Variants in TOP1MT observed in about 807,000 individuals in gnomAD.
TOP1MT encodes DNA topoisomerase I mitochondrial.
A neutral mutation model predicts 73.9 loss-of-function variants in TOP1MT; 80 were observed. The observed-to-expected ratio is 1.08, with a 90% CI of 0.90 to 1.30. The LOEUF (loss-of-function observed/expected upper bound fraction) is 1.30, where lower values mean the gene tolerates loss of function less well. Ranked by LOEUF, TOP1MT falls within the 50% of genes most tolerant of loss-of-function variation. TOP1MT has a pLI of 0.00. For missense variants in TOP1MT, 815 were observed against 808.0 expected, an observed-to-expected ratio of 1.01 and a Z score of -0.10; for synonymous variants, 338 against 326.4, an observed-to-expected ratio of 1.04 and a Z score of -0.38.
chr8:143,325,519 CTCT>C lies in TOP1MT; in HGVS notation c.495_497del (p.Glu166del), dbSNP rs752976515. The C allele has an allele frequency of 3.1e-6, 5 of 1,608,380 alleles. No individual in the cohort carries two copies. The South Asian group carries it at 4.4e-5, about 14-fold the overall frequency. ...CGAACTCTTGCTGAAGTTTTTCTGC[CTCT>C]TCTTTTAGCTTCTGAGTTAATAAAA... On this transcript the variant is annotated inframe_deletion, in exon 5 of 14. Coordinates refer to ENST00000329245, the MANE Select transcript of TOP1MT (RefSeq NM_052963.3).
chr8:143,339,011 T>A (rs1336414306), upstream of TOP1MT, among the ~76,000 whole-genome samples: 8 of 152,134 alleles, frequency 5.3e-5, no homozygotes, highest in Admixed American at 3.9e-4. Flanking sequence ...TTAGAAAATT[T>A]AAAGAATTTC....
In TOP1MT at chr8:143,310,130, G is replaced by C; in HGVS notation, c.1641C>G (p.Asn547Lys). The change falls in exon 13 of 14, where the codon AAC becomes AAG. Residue 547 changes from asparagine (N) to lysine (K), a missense_variant. This residue lies in a region of TOP1MT where 751 missense variants were observed against 725.4 expected (regional missense o/e 1.04). Transcript: ENST00000329245. ...TGGACGTGCCCAGGGCCACCTGCTT[G>C]TTCTCCTCCTTGTCCGTGGCCTGCA... ...LSVQATDKEE[N>K]KQVALGTSKL... is the part of the protein sequence containing the mutation. The C allele has an allele frequency of 3.1e-6, 5 of 1,613,634 alleles. No individual in the cohort carries two copies. Among genetic ancestry groups the C allele is most frequent in the Non-Finnish European group, 3.4e-6 (4 of 1,179,964 alleles).
At chr8:143,324,845 G>C (rs1207318369) in intron 5 of TOP1MT, among the ~76,000 whole-genome samples, 1 of 152,132 alleles carries the variant, frequency 6.6e-6, no homozygotes, top group African/African-American at 2.4e-5. Context: ...AGTGCACCAG[G>C]AGGCTGGGCG....
chr8:143,331,137 C>G (rs1816842567), intron 2 of TOP1MT, 87 bp downstream of exon 2: 3 of 1,044,190 alleles, frequency 2.9e-6, no homozygotes, highest in Non-Finnish European at 2.8e-6. Flanking sequence ...TGCAGGGGGG[C>G]TGAGGGAGCG....
chr8:143,311,758 A>G (rs1816021274), intron 12 of TOP1MT, among the ~76,000 whole-genome samples: 1 of 152,082 alleles, frequency 6.6e-6, no homozygotes, highest in Admixed American at 6.6e-5. Context: ...AAAAAAAAAA[A>G]AAAAAGAACC....
intron 1 of TOP1MT, chr8:143,332,701 A>T (rs980899558): frequency 4.3e-5 from 25 of 581,938 alleles, no homozygotes; most frequent in South Asian, 3.3e-4. Context: ...GTAGAGACGG[A>T]GCTGATAAAG....
At position 143,326,230 on chromosome 8, in the gene TOP1MT, C is replaced by A; in HGVS notation, c.475G>T (p.Glu159Ter). Reference sequence around the variant, plus strand: ...GCTCGAGGCAGCCCAACCTGCTTCTCCTCCCTGCTCAGGACTTTCCGGGCT... The same window carrying A: ...GCTCGAGGCAGCCCAACCTGCTTCTACTCCCTGCTCAGGACTTTCCGGGCT... Reference protein sequence around the residue: ...AAARKVLSREEKQKLKEEAEK... With the variant: ...AAARKVLSRE Residue 159 changes from glutamate (E) to a stop codon, truncating the protein, a stop_gained, in exon 4 of 14, where the codon GAG (glutamate) becomes TAG (stop). Coordinates refer to ENST00000329245, the MANE Select transcript of TOP1MT (RefSeq NM_052963.3). LOFTEE classifies it high-confidence loss of function. 2 of 1,613,894 alleles carry A rather than the reference C, an allele frequency of 1.2e-6. No homozygotes were observed. The highest frequency in any genetic ancestry group is 1.1e-5 in the South Asian group (1 of 91,078).
At chr8:143,354,173 G>A (rs569381868) in intron 1 of TOP1MT, among the ~76,000 whole-genome samples, 1 of 151,244 alleles carries the variant, frequency 6.6e-6, no homozygotes, top group Non-Finnish European at 1.5e-5. Context: ...ATCAGCAGAC[G>A]AACGGATCAA....
At chr8:143,354,615 G>A (rs1817376443) in intron 1 of TOP1MT, among the ~76,000 whole-genome samples, 1 of 152,162 alleles carries the variant, frequency 6.6e-6, no homozygotes, top group Admixed American at 6.5e-5. Context: ...GGGAGGCTGA[G>A]GCAGGAGAAT....
At chr8:143,325,594 C>A in intron 4 of TOP1MT, 61 bp from the exon 5 acceptor site, 1 of 1,512,016 alleles carries the variant, frequency 6.6e-7, no homozygotes. Flanking sequence ...GGCCTCAGTC[C>A]GTTGTTGCTA....
At chr8:143,347,129 C>A (rs1381837481), upstream of TOP1MT, among the ~76,000 whole-genome samples, 1 of 151,792 alleles carries the variant, frequency 6.6e-6, no homozygotes, top group Non-Finnish European at 1.5e-5. Context: ...GGATTACAGG[C>A]ATACGCCACC....
Position 143,309,358 on chromosome 8 carries a change from T to C in TOP1MT, c.*83A>G, listed in dbSNP as rs1815938663. 7 of 1,457,198 alleles carry C rather than the reference T, an allele frequency of 4.8e-6. No individual in the cohort carries two copies. The South Asian group carries it at 7.1e-5, about 15-fold the overall frequency. 90.3% of individuals were successfully genotyped at this position (1,457,198 alleles called of 1,614,324 possible). ...TGATGTACAAGCACTTGCACACATT[T>C]TATTGTACAAAATTCCCCAGTACTG... On this transcript the variant is annotated 3_prime_UTR_variant, in exon 14 of 14. Transcript: ENST00000329245.
At chr8:143,326,547 T>C (rs1163424703) in intron 3 of TOP1MT, among the ~76,000 whole-genome samples, 2 of 152,192 alleles carry the variant, frequency 1.3e-5, no homozygotes, top group East Asian at 3.8e-4. Flanking sequence ...GGTTCTGTTA[T>C]TGCAGGCATG....
intron 1 of TOP1MT, chr8:143,332,510 C>A: frequency 1.6e-6 from 2 of 1,289,354 alleles, no homozygotes; most frequent in Non-Finnish European, 1.0e-6. Flanking sequence ...GAGACCTGCA[C>A]GTGACCCCAG....
At chr8:143,349,604 C>A (rs1336127730), upstream of TOP1MT, among the ~76,000 whole-genome samples, 1 of 151,522 alleles carries the variant, frequency 6.6e-6, no homozygotes, top group African/African-American at 2.4e-5. Flanking sequence ...TCTGTTTTTC[C>A]CAATAAAACA....
rs1816378155 is a variant in TOP1MT at position 143,321,629 on chromosome 8, CACACAG to C, written c.961-249_961-244del. On this transcript the variant is annotated intron_variant, in intron 7 of 13. Coordinates refer to ENST00000329245, the MANE Select transcript of TOP1MT (RefSeq NM_052963.3). ...ACGCACGCACGCCACACGCACGCCA[CACACAG>C]GCACGCCACACACAGGCACGCCACA... Among the ~76,000 whole-genome samples, 6 of 44,568 alleles carry C rather than the reference CACACAG, an allele frequency of 1.3e-4. 1 individual carries two copies. The East Asian group carries it at 0.011, about 79-fold the overall frequency. 29.2% of individuals were successfully genotyped at this position (44,568 alleles called of 152,430 possible). A position where few individuals can be genotyped will look rare whatever the true frequency, so the allele number is the denominator to read the frequency against.
intron 11 of TOP1MT, 74 bp downstream of exon 11, chr8:143,315,925 G>A (rs1816146695): frequency 1.2e-6 from 2 of 1,608,268 alleles, no homozygotes; most frequent in African/African-American, 1.3e-5. Context: ...TGGCTCCCAG[G>A]CCTGTGCCGA....
In TOP1MT at chr8:143,309,442, T is replaced by C; in HGVS notation, c.1805A>G (p.Ter602=). 1 of 1,613,578 alleles carries C rather than the reference T, an allele frequency of 6.2e-7. No homozygotes were observed. The highest frequency in any genetic ancestry group is 8.5e-7 in the Non-Finnish European group (1 of 1,179,980). The change falls in exon 14 of 14, where the codon TAA becomes TGA. Residue 602 remains the stop codon, a stop_retained_variant. Coordinates refer to ENST00000329245, the MANE Select transcript of TOP1MT (RefSeq NM_052963.3). ...LAMAGEDFEF[*] ...AAGAAGTTTCAACACGGCTCGTCGT[T>C]AGAATTCAAAGTCTTCTCCTGCCAT...
intron 2 of TOP1MT, among the ~76,000 whole-genome samples, chr8:143,342,807 C>T (rs1320646497): frequency 7.2e-5 from 3 of 41,564 alleles, no homozygotes; most frequent in African/African-American, 1.4e-4. Flanking sequence ...TTATTAGAGA[C>T]AGAGTCTCGC....
Sources: gnomAD v4.1 joint callset for allele counts (sites outside exome capture counted in the v4.1 genomes callset) on GRCh38, gnomAD v4.1.1 for gene constraint, gnomAD v4.1.1 regional missense constraint, MANE v1.5 for transcripts, NCBI Gene and HGNC (gene_info 2026-07-23, HGNC 2026-07-21) for gene names.